COG5: variants seen among roughly 807,000 people sequenced by gnomAD.
The protein encoded by COG5 is component of oligomeric golgi complex 5.
COG5 carries 86 observed loss-of-function variants against 110.4 expected under a neutral mutation model. The observed-to-expected ratio is 0.78, with a 90% confidence interval of 0.65 to 0.93. COG5 has a LOEUF of 0.93. Among genes scored for constraint, COG5 ranks in the 40% least tolerant of loss-of-function variants. The pLI, the probability that COG5 is intolerant of heterozygous loss-of-function variation, is 0.00. For missense variants in COG5, 1,077 were observed against 987.0 expected (o/e 1.09, Z -1.22); for synonymous variants, 360 against 334.6 (o/e 1.08, Z -0.83).
intron 14 of COG5, among the ~76,000 whole-genome samples, chr7:107,264,373 A>ATGTAAGAAAATAC (rs3831563): frequency 1.3e-5 from 2 of 151,454 alleles, no homozygotes; most frequent in African/African-American, 2.4e-5. Context: ...ACCCTTATGT[A>ATGTAAGAAAATAC]TGTAAGAAAT....
At chr7:107,273,688 T>C (rs1328691962) in intron 14 of COG5, among the ~76,000 whole-genome samples, 1 of 151,850 alleles carries the variant, frequency 6.6e-6, no homozygotes, top group Non-Finnish European at 1.5e-5. Flanking sequence ...ATTCAATTGC[T>C]CAATTGAATT....
chr7:107,421,794 A>G (rs1358706471), intron 6 of COG5, among the ~76,000 whole-genome samples: 1 of 152,118 alleles, frequency 6.6e-6, no homozygotes, highest in African/African-American at 2.4e-5. Flanking sequence ...TTCTTTGATC[A>G]TAATGGAATC....
intron 10 of COG5, 116 bp downstream of exon 10, chr7:107,361,917 T>A (rs2129046091): frequency 1.4e-6 from 1 of 697,812 alleles, no homozygotes; most frequent in East Asian, 2.7e-5. Context: ...AATACACTTC[T>A]CTATTGCCAT....
intron 6 of COG5, among the ~76,000 whole-genome samples, chr7:107,435,385 GCTCACA>G (rs1166890895): frequency 6.6e-6 from 1 of 152,144 alleles, no homozygotes; most frequent in Non-Finnish European, 1.5e-5. Flanking sequence ...AGGCGCGGTG[GCTCACA>G]CCTGTAATCC....
chr7:107,225,078 G>C (rs541253333), intron 19 of COG5, among the ~76,000 whole-genome samples: 1 of 152,100 alleles, frequency 6.6e-6, no homozygotes. Context: ...GTACATGCTG[G>C]GTGTGGTCTG....
At chr7:107,475,044 A>G in intron 6 of COG5, 3 of 1,612,984 alleles carry the variant, frequency 1.9e-6, no homozygotes, top group Non-Finnish European at 2.5e-6. Context: ...GCTGGACACC[A>G]ATTTCTGTTT....
chr7:107,550,976 C>A (rs1239479654), intron 3 of COG5, among the ~76,000 whole-genome samples: 3 of 151,994 alleles, frequency 2.0e-5, no homozygotes, highest in African/African-American at 7.3e-5. Context: ...GTGCCTAGTA[C>A]TTAACAAGTT....
chr7:107,444,889 T>C (rs1026414227), intron 6 of COG5, among the ~76,000 whole-genome samples: 1 of 152,170 alleles, frequency 6.6e-6, no homozygotes, highest in Non-Finnish European at 1.5e-5. Context: ...TAACTGAAAC[T>C]AATAAGCAGA....
At chr7:107,483,658 C>T (rs1201819958) in intron 6 of COG5, among the ~76,000 whole-genome samples, 4 of 150,788 alleles carry the variant, frequency 2.7e-5, no homozygotes, top group Non-Finnish European at 4.4e-5. Flanking sequence ...GAGCCAAGAT[C>T]GCACCATTGC....
intron 11 of COG5, among the ~76,000 whole-genome samples, chr7:107,305,206 T>C (rs901877738): frequency 1.3e-5 from 2 of 152,190 alleles, no homozygotes; most frequent in Non-Finnish European, 2.9e-5. Context: ...TAGATTATCC[T>C]AGTAGAGGCT....
chr7:107,225,506 T>C (rs184302212), intron 19 of COG5, among the ~76,000 whole-genome samples: 2 of 152,288 alleles, frequency 1.3e-5, no homozygotes, highest in East Asian at 3.9e-4. Flanking sequence ...TTCAAACAAA[T>C]ACTTTTATTC....
chr7:107,257,740 C>A (rs976029617), intron 15 of COG5, among the ~76,000 whole-genome samples: 2 of 152,006 alleles, frequency 1.3e-5, no homozygotes, highest in African/African-American at 4.8e-5. Flanking sequence ...CAAGGTTCAG[C>A]CATTTCTTTC....
chr7:107,298,584 C>G (rs1403829738), intron 11 of COG5, among the ~76,000 whole-genome samples: 1 of 152,004 alleles, frequency 6.6e-6, no homozygotes, highest in Non-Finnish European at 1.5e-5. Flanking sequence ...TAGAAAAGCC[C>G]ACAATTGTAG....
chr7:107,369,748 T>C (rs1450512810), intron 8 of COG5, among the ~76,000 whole-genome samples: 1 of 152,154 alleles, frequency 6.6e-6, no homozygotes, highest in Non-Finnish European at 1.5e-5. Flanking sequence ...TCTTAGAAAG[T>C]ATAACATCAT....
At chr7:107,378,040 G>C (rs1030441144) in intron 7 of COG5, among the ~76,000 whole-genome samples, 3 of 152,206 alleles carry the variant, frequency 2.0e-5, no homozygotes, top group Non-Finnish European at 4.4e-5. Flanking sequence ...CATCTGGCAG[G>C]TGCCCCTCTG....
chr7:107,274,304 TA>T (rs957272473), intron 14 of COG5, among the ~76,000 whole-genome samples: 1 of 152,158 alleles, frequency 6.6e-6, no homozygotes, highest in African/African-American at 2.4e-5. Flanking sequence ...ACCCTGTCTC[TA>T]AATATTAAAA....
intron 7 of COG5, among the ~76,000 whole-genome samples, chr7:107,410,140 G>A (rs1037291159): frequency 2.0e-5 from 3 of 152,166 alleles, no homozygotes; most frequent in African/African-American, 7.2e-5. Flanking sequence ...GAAAGGCAAG[G>A]GTGAAATAAT....
chr7:107,292,835 T>C (rs1227452064), intron 12 of COG5, among the ~76,000 whole-genome samples: 3 of 152,294 alleles, frequency 2.0e-5, no homozygotes, highest in East Asian at 3.9e-4. Flanking sequence ...TCAGAACTTA[T>C]AGATTAAAAT....
intron 3 of COG5, among the ~76,000 whole-genome samples, chr7:107,550,290 A>G (rs1802795071): frequency 6.6e-6 from 1 of 151,840 alleles, no homozygotes; most frequent in Admixed American, 6.6e-5. Context: ...AACTTCAACT[A>G]TTCTAATAGC....
Sources: gnomAD v4.1 joint callset for allele counts (sites outside exome capture counted in the v4.1 genomes callset) on GRCh38, gnomAD v4.1.1 for gene constraint, MANE v1.5 for transcripts, NCBI Gene and HGNC (gene_info 2026-07-23, HGNC 2026-07-21) for gene names.